Variants in FAM47C observed in about 807,000 individuals in gnomAD.
FAM47C encodes the protein putative protein FAM47C.
For missense variants in FAM47C, 847 were observed against 879.9 expected, an observed-to-expected ratio of 0.96 and a Z score of 0.47; for synonymous variants, 307 against 346.5, an observed-to-expected ratio of 0.89 and a Z score of 1.27.
Position 37,011,434 on chromosome X carries a change from T to C in FAM47C, c.3024T>C (p.Tyr1008=), listed in dbSNP as rs1927798525. 8.3e-7 allele frequency: 1 copy of C among 1,210,540 alleles called. No homozygotes were observed. The highest frequency in any genetic ancestry group is 1.7e-5 in the African/African-American group (1 of 57,357). ...TGTTTGCCAGGAGGGGATGGACTTA[T>C]GACTCTGTTAAGACTCCTATTCAAC... ...QRLFARRGWT[Y]DSVKTPIQRA... The change falls in exon 1 of 1, where the codon TAT becomes TAC. Residue 1008 remains tyrosine (Y), a synonymous_variant. Coordinates refer to ENST00000358047, the MANE Select transcript of FAM47C (RefSeq NM_001013736.3).
chrX:37,008,950 A>T lies in FAM47C; in HGVS notation c.540A>T (p.Lys180Asn). The T allele has an allele frequency of 8.3e-7, 1 of 1,211,479 alleles. No homozygotes were observed. The change falls in exon 1 of 1, where the codon AAA (lysine) becomes AAT (asparagine). Residue 180 changes from lysine (K) to asparagine (N), a missense_variant. Transcript: ENST00000358047. ...CTGACGAACCCACGGAGCCTGGTAA[A>T]TACCCCTGTGGGGAATTCTCCCCTC... ...KTTDEPTEPG[K>N]YPCGEFSPRP...
In FAM47C at chrX:37,008,734, G is replaced by T. The variant is rs370448444; in HGVS notation, c.324G>T (p.Ser108=). The change falls in exon 1 of 1, where the codon TCG becomes TCT. Residue 108 remains serine (S), a synonymous_variant. Transcript: ENST00000358047. ...LKKAALFSKL[S]PAQPARKAFV... ...AAGCGGCCCTGTTTTCCAAGCTCTC[G>T]CCAGCACAGCCAGCACGGAAGGCGT... The T allele has an allele frequency of 1.7e-6, 2 of 1,211,455 alleles. No individual in the cohort carries two copies. Among genetic ancestry groups the T allele is most frequent in the Non-Finnish European group, 2.2e-6 (2 of 895,399 alleles).
In FAM47C at chrX:37,008,592, G is replaced by C. The variant is rs139337711; in HGVS notation, c.182G>C (p.Gly61Ala). Reference protein sequence around the residue: ...VTEGMDDFRYGCQSPEDTLVC... With the variant: ...VTEGMDDFRYACQSPEDTLVC... The stretch of plus-strand genomic sequence containing the variant: ...GAGGGCATGGACGACTTCCGCTACG[G>C]CTGTCAGTCTCCTGAAGATACGCTT... The change falls in exon 1 of 1, where the codon GGC becomes GCC. Residue 61 changes from glycine to alanine, a missense_variant. Gly to Ala is a moderately conservative substitution (Grantham distance 60). Transcript: ENST00000358047. 7.0e-4 allele frequency: 843 copies of C among 1,211,385 alleles called. 2 individuals are homozygous for C. The African/African-American group carries it at 0.012, about 17-fold the overall frequency.
At position 37,008,427 on chromosome X, in the gene FAM47C, C is replaced by G. The variant is rs782697581; in HGVS notation, c.17C>G (p.Pro6Arg). MGDQR[P>R]QDRPSSPGMD... ...AGGGCCACCATGGGGGACCAGAGGC[C>G]GCAGGACCGGCCCAGTTCCCCGGGC... is the stretch of plus-strand genomic sequence containing the variant. The change falls in exon 1 of 1, where the codon CCG becomes CGG. Residue 6 changes from proline to arginine, a missense_variant. Physicochemically the swap from Pro to Arg is moderately radical, Grantham distance 103 (BLOSUM62 -2). Coordinates refer to ENST00000358047, the MANE Select transcript of FAM47C (RefSeq NM_001013736.3). 8.3e-7 allele frequency: 1 copy of G among 1,204,261 alleles called. No individual in the cohort carries two copies. Among genetic ancestry groups the G allele is most frequent in the South Asian group, 1.8e-5 (1 of 56,452 alleles).
Position 37,011,578 on chromosome X carries a change from G to A in FAM47C, c.*60G>A. The A allele has an allele frequency of 9.9e-7, 1 of 1,008,554 alleles. No homozygotes were observed. 83.1% of individuals were successfully genotyped at this position (1,008,554 alleles called of 1,213,427 possible). On this transcript the variant is annotated 3_prime_UTR_variant, in exon 1 of 1. Coordinates refer to ENST00000358047, the MANE Select transcript of FAM47C (RefSeq NM_001013736.3). ...TTGCTCTCATTTTAAACATCAGTCA[G>A]AATTTATGATGACTGGCCCCAGGAA...
Position 37,009,512 on chromosome X carries a change from C to A in FAM47C, c.1102C>A (p.Gln368Lys). Reference protein sequence around the residue: ...PPETRVSPLRQLPPEAGVSHL... With the variant: ...PPETRVSPLRKLPPEAGVSHL... ...AGAGACTCGCGTATCTCCTCTCCGC[C>A]AGCTGCCTCCCGAGGCTGGAGTGTC... The change falls in exon 1 of 1, where the codon CAG (glutamine) becomes AAG (lysine). Residue 368 changes from glutamine to lysine, a missense_variant. Physicochemically the swap from Gln to Lys is moderately conservative, Grantham distance 53. Coordinates refer to ENST00000358047, the MANE Select transcript of FAM47C (RefSeq NM_001013736.3). The A allele has an allele frequency of 1.6e-5, 19 of 1,208,581 alleles. No individual in the cohort carries two copies. The highest frequency in any genetic ancestry group is 2.1e-5 in the Non-Finnish European group (19 of 894,160).
chrX:37,011,502 C>T lies in FAM47C; in HGVS notation c.3092C>T (p.Ala1031Val). The change falls in exon 1 of 1, where the codon GCA (alanine) becomes GTA (valine). Residue 1031 changes from alanine to valine, a missense_variant. By Grantham distance (64) the Ala-to-Val change is moderately conservative. Transcript: ENST00000358047. ...VYKYKEDVTD[A>V]SEED The stretch of plus-strand genomic sequence containing the variant: ...AAGTACAAAGAAGACGTCACAGATG[C>T]ATCGGAAGAAGATTAGATGGTTTTG... The T allele has an allele frequency of 8.4e-7, 1 of 1,183,972 alleles. No individual in the cohort carries two copies. Among genetic ancestry groups the T allele is most frequent in the Non-Finnish European group, 1.1e-6 (1 of 880,827 alleles).
chrX:37,008,698 G>T lies in FAM47C; in HGVS notation c.288G>T (p.Lys96Asn). Residue 96 changes from lysine to asparagine, a missense_variant, in exon 1 of 1, where the codon AAG becomes AAT. Coordinates refer to ENST00000358047, the MANE Select transcript of FAM47C (RefSeq NM_001013736.3). ...PQADPKSRKK[K>N]LLKKAALFSK... The stretch of plus-strand genomic sequence containing the variant: ...CTGACCCCAAAAGCAGGAAGAAAAA[G>T]CTGCTCAAGAAAGCGGCCCTGTTTT... 2.5e-6 allele frequency: 3 copies of T among 1,212,165 alleles called. No individual in the cohort carries two copies. Among genetic ancestry groups the T allele is most frequent in the Non-Finnish European group, 3.3e-6 (3 of 895,610 alleles).
Position 37,009,205 on chromosome X carries a change from T to A in FAM47C, c.795T>A (p.Thr265=), listed in dbSNP as rs1349051164. 8.3e-7 allele frequency: 1 copy of A among 1,207,706 alleles called. No homozygotes were observed. Among genetic ancestry groups the A allele is most frequent in the Non-Finnish European group, 1.1e-6 (1 of 894,460 alleles). Residue 265 remains threonine (T), a synonymous_variant, in exon 1 of 1, where the codon ACT becomes ACA. Transcript: ENST00000358047. ...VSSLHLEPPE[T]GVSHLYLEPP... ...GTCTCCACCTGGAGCCTCCCGAGAC[T>A]GGAGTGTCCCATCTCTACCTGGAGC...
At position 37,008,511 on chromosome X, in the gene FAM47C, A is replaced by G; in HGVS notation, c.101A>G (p.Lys34Arg). The change falls in exon 1 of 1, where the codon AAG becomes AGG. Residue 34 changes from lysine to arginine, a missense_variant. Coordinates refer to ENST00000358047, the MANE Select transcript of FAM47C (RefSeq NM_001013736.3). ...KPPSKYFAKR[K>R]HRRLRFPPVD... ...CCTTCCAAGTACTTCGCGAAGCGCA[A>G]GCACAGGCGCCTGAGGTTCCCGCCT... 8.2e-7 allele frequency: 1 copy of G among 1,212,562 alleles called. No individual in the cohort carries two copies. The highest frequency in any genetic ancestry group is 1.1e-6 in the Non-Finnish European group (1 of 895,626).
rs1387751693 is a variant in FAM47C, at chrX:37,010,754, C to T, written c.2344C>T (p.Arg782Trp). The change falls in exon 1 of 1, where the codon CGG (arginine) becomes TGG (tryptophan). Residue 782 changes from arginine (R) to tryptophan (W), a missense_variant. Arg to Trp is a moderately radical substitution (Grantham distance 101). Transcript: ENST00000358047. ...TCTCCACCCAGAGCTTCCCAAGCCTCGGGTATCCAGTCTCCACCTGGAGCC... is the reference window on the plus strand; with the variant it reads ...TCTCCACCCAGAGCTTCCCAAGCCTTGGGTATCCAGTCTCCACCTGGAGCC... ...SHLHPELPKP[R>W]VSSLHLEPPK... is the part of the protein sequence containing the mutation. 1.3e-5 allele frequency: 16 copies of T among 1,208,049 alleles called. No homozygotes were observed. Among genetic ancestry groups the T allele is most frequent in the African/African-American group, 1.8e-5 (1 of 56,448 alleles).
At position 37,010,516 on chromosome X, in the gene FAM47C, C is replaced by G; in HGVS notation, c.2106C>G (p.Leu702=). The change falls in exon 1 of 1, where the codon CTC becomes CTG. Residue 702 remains leucine (L), a synonymous_variant. Transcript: ENST00000358047. The part of the protein sequence containing the change: ...PEPPETGVSR[L]HPEPPKTRVS... ...CTCCTGAGACTGGAGTGTCCCGTCTCCACCCAGAGCCTCCCAAGACTCGGG... is the reference window on the plus strand; with the variant it reads ...CTCCTGAGACTGGAGTGTCCCGTCTGCACCCAGAGCCTCCCAAGACTCGGG... The G allele has an allele frequency of 8.3e-7, 1 of 1,209,166 alleles. No individual in the cohort carries two copies. Among genetic ancestry groups the G allele is most frequent in the Non-Finnish European group, 1.1e-6 (1 of 894,620 alleles).
At position 37,010,482 on chromosome X, in the gene FAM47C, G is replaced by A. The variant is rs1927761070; in HGVS notation, c.2072G>A (p.Arg691His). 9 of 1,200,931 alleles carry A rather than the reference G, an allele frequency of 7.5e-6. No homozygotes were observed. In the East Asian group the frequency reaches 2.1e-4, roughly 28 times the overall value. ...EPPETRVSHL[R>H]PEPPETGVSR... ...CCAGAGACTCGCGTATCTCATCTCC[G>A]CCCAGAGCCTCCTGAGACTGGAGTG... Residue 691 changes from arginine (R) to histidine (H), a missense_variant, in exon 1 of 1, where the codon CGC (arginine) becomes CAC (histidine). Coordinates refer to ENST00000358047, the MANE Select transcript of FAM47C (RefSeq NM_001013736.3).
rs781943926 is a variant in FAM47C at position 37,010,968 on chromosome X, G to A, written c.2558G>A (p.Arg853His). ...CGTAGACACACATCGAGAAAACTCC[G>A]TGACTTCAAGTGGGCTGGAGACCTA... ...LQRRHTSRKL[R>H]DFKWAGDLGV... Residue 853 changes from arginine to histidine, a missense_variant, in exon 1 of 1, where the codon CGT becomes CAT. Arg to His is a conservative substitution (Grantham distance 29). Coordinates refer to ENST00000358047, the MANE Select transcript of FAM47C (RefSeq NM_001013736.3). 4.1e-4 allele frequency: 497 copies of A among 1,210,582 alleles called. 4 individuals are homozygous for A. In the Admixed American group the frequency reaches 0.011, roughly 26 times the overall value.
chrX:37,009,738 C>T lies in FAM47C; in HGVS notation c.1328C>T (p.Pro443Leu). ...GGATCTCATCTCCGCCCGGAACCTC[C>T]TGAGACTGGAGTGTCCCATCTCCGC... Reference protein sequence around the residue: ...TRGSHLRPEPPETGVSHLRPE... With the variant: ...TRGSHLRPEPLETGVSHLRPE... The change falls in exon 1 of 1, where the codon CCT becomes CTT. Residue 443 changes from proline (P) to leucine (L), a missense_variant. Coordinates refer to ENST00000358047, the MANE Select transcript of FAM47C (RefSeq NM_001013736.3). 8.3e-7 allele frequency: 1 copy of T among 1,209,116 alleles called. No homozygotes were observed. The highest frequency in any genetic ancestry group is 1.1e-6 in the Non-Finnish European group (1 of 894,431).
Position 37,010,052 on chromosome X carries a change from C to T in FAM47C, c.1642C>T (p.Pro548Ser). Residue 548 changes from proline to serine, a missense_variant, in exon 1 of 1, where the codon CCA becomes TCA. Transcript: ENST00000358047. ...PPESSVSHLR[P>S]EPPETGVSHL... is the part of the protein sequence containing the mutation. ...TGAGAGTAGCGTATCTCATCTCCGC[C>T]CAGAGCCTCCTGAGACTGGAGTGTC... The T allele has an allele frequency of 1.7e-6, 2 of 1,192,333 alleles. No individual in the cohort carries two copies. The highest frequency in any genetic ancestry group is 2.3e-6 in the Non-Finnish European group (2 of 888,052).
Position 37,009,952 on chromosome X carries a change from T to C in FAM47C, c.1542T>C (p.Pro514=). 1 of 1,202,325 alleles carries C rather than the reference T, an allele frequency of 8.3e-7. No homozygotes were observed. The highest frequency in any genetic ancestry group is 1.1e-6 in the Non-Finnish European group (1 of 892,131). The change falls in exon 1 of 1, where the codon CCT becomes CCC. Residue 514 remains proline, a synonymous_variant. Transcript: ENST00000358047. ...GCGTATCTCATCTCCGCCCAGAGCCTTCTGAGACTGGAGTGTCCCATCTCC... is the reference window on the plus strand; with the variant it reads ...GCGTATCTCATCTCCGCCCAGAGCCCTCTGAGACTGGAGTGTCCCATCTCC... ...KTRVSHLRPE[P]SETGVSHLRP...
chrX:37,009,009 C>A lies in FAM47C; in HGVS notation c.599C>A (p.Pro200Gln), dbSNP rs781976300. 8.3e-7 allele frequency: 1 copy of A among 1,211,217 alleles called. No individual in the cohort carries two copies. Among genetic ancestry groups the A allele is most frequent in the Middle Eastern group, 2.3e-4 (1 of 4,346 alleles). ...GAGACTCGGGTGTCCTGTCTCCCCC[C>A]GGAGCCTCCCAAGACTCCGGTGTCC... ...PPETRVSCLP[P>Q]EPPKTPVSSL... Residue 200 changes from proline (P) to glutamine (Q), a missense_variant, in exon 1 of 1, where the codon CCG becomes CAG. Transcript: ENST00000358047.
Position 37,008,779 on chromosome X carries a change from C to T in FAM47C, c.369C>T (p.Ala123=), listed in dbSNP as rs781948164. Residue 123 remains alanine, a synonymous_variant, in exon 1 of 1, where the codon GCC becomes GCT. Transcript: ENST00000358047. ...ARKAFVEEVE[A]QLMTKHPLAM... ...AGGCGTTCGTAGAGGAAGTGGAAGC[C>T]CAGCTGATGACCAAGCATCCCTTGG... 2.5e-5 allele frequency: 30 copies of T among 1,209,590 alleles called. No individual in the cohort carries two copies. The Admixed American group carries it at 6.3e-4, about 26-fold the overall frequency.
Sources: gnomAD v4.1 joint callset for allele counts on GRCh38, gnomAD v4.1.1 for gene constraint, MANE v1.5 for transcripts, NCBI Gene and HGNC (gene_info 2026-07-23, HGNC 2026-07-21) for gene names.